The following HPR variants were observed in gnomAD, a reference collection of about 807,000 sequenced individuals.
HPR encodes the protein Haptoglobin-related locus.
In HPR, 17 loss-of-function variants were observed where a neutral mutation model predicts 18.5. That is an observed-to-expected ratio of 0.92 (90% CI 0.63 to 1.38). HPR has a LOEUF of 1.38. Ranked by LOEUF, HPR falls within the 40% of genes most tolerant of loss-of-function variation. HPR has a pLI of 0.00. For missense variants in HPR, 457 were observed against 432.4 expected (o/e 1.06, Z -0.51); for synonymous variants, 176 against 165.0 (o/e 1.07, Z -0.51).
chr16:72,068,207 C>G (rs936977856), intron 1 of HPR, among the ~76,000 whole-genome samples: 22 of 152,122 alleles, frequency 1.4e-4, no homozygotes, highest in Admixed American at 5.9e-4. Context: ...ATATTTTTGA[C>G]CATCTACAGT....
At chr16:72,071,995 T>C (rs753856879) in intron 1 of HPR, among the ~76,000 whole-genome samples, 9 of 152,090 alleles carry the variant, frequency 5.9e-5, no homozygotes, top group Non-Finnish European at 1.3e-4. Context: ...ATAAACTACA[T>C]TTATTACAAC....
intron 1 of HPR, among the ~76,000 whole-genome samples, chr16:72,064,670 C>A (rs2041578981): frequency 6.6e-6 from 1 of 152,244 alleles, no homozygotes; most frequent in Admixed American, 6.5e-5. Flanking sequence ...GGCAACCAGA[C>A]TTACCAGGAG....
At chr16:72,065,725 C>A (rs556561672) in intron 1 of HPR, among the ~76,000 whole-genome samples, 2 of 152,246 alleles carry the variant, frequency 1.3e-5, no homozygotes, top group Non-Finnish European at 2.9e-5. Flanking sequence ...TCAAGAAGAA[C>A]TAGACTATGC....
At chr16:72,064,943 G>T (rs1227532306) in intron 1 of HPR, among the ~76,000 whole-genome samples, 1 of 152,162 alleles carries the variant, frequency 6.6e-6, no homozygotes, top group Admixed American at 6.5e-5. Flanking sequence ...AACGTGGGGA[G>T]AAAAAGACTT....
intron 4 of HPR, 114 bp from the exon 5 acceptor site, chr16:72,076,189 A>G: frequency 6.5e-7 from 1 of 1,548,714 alleles, no homozygotes; most frequent in Non-Finnish European, 8.8e-7. Context: ...AGGACAAAGC[A>G]TTTAAATCTT....
chr16:72,063,633 C>T (rs1303227212), intron 1 of HPR, among the ~76,000 whole-genome samples: 3 of 152,080 alleles, frequency 2.0e-5, no homozygotes, highest in African/African-American at 7.2e-5. Flanking sequence ...TTGAATGACA[C>T]AATTAATTGA....
intron 1 of HPR, among the ~76,000 whole-genome samples, chr16:72,063,606 G>T (rs2041565628): frequency 6.6e-6 from 1 of 152,108 alleles, no homozygotes; most frequent in Non-Finnish European, 1.5e-5. Flanking sequence ...TAATAAGAAA[G>T]ACTAATAGTA....
intron 1 of HPR, among the ~76,000 whole-genome samples, chr16:72,072,452 G>T (rs368868468): frequency 6.6e-6 from 1 of 152,170 alleles, no homozygotes; most frequent in Non-Finnish European, 1.5e-5. Context: ...ATCGGAACCC[G>T]ATGCTATACT....
At chr16:72,075,813 CCTTTCTTTTTTCTTT>C (rs1828384941) in intron 4 of HPR, among the ~76,000 whole-genome samples, 1 of 151,924 alleles carries the variant, frequency 6.6e-6, no homozygotes, top group African/African-American at 2.4e-5. Flanking sequence ...AGCTCCTAGC[CCTTTCTTTTTTCTTT>C]CTTTCTTTTT....
At chr16:72,074,210 A>G (rs1567590264) in intron 2 of HPR, 74 bp from the exon 3 acceptor site, 8 of 1,381,670 alleles carry the variant, frequency 5.8e-6, no homozygotes, top group African/African-American at 1.4e-5. Context: ...AGCAGCTTCC[A>G]CTCATCTGAC....
rs1460662038 is a variant in HPR, at chr16:72,074,350, G to T, written c.158G>T (p.Cys53Phe). The T allele has an allele frequency of 6.2e-7, 1 of 1,613,916 alleles. No individual in the cohort carries two copies. The highest frequency in any genetic ancestry group is 1.3e-5 in the African/African-American group (1 of 74,932). Residue 53 changes from cysteine (C) to phenylalanine (F), a missense_variant, in exon 3 of 5, where the codon TGT (cysteine) becomes TTT (phenylalanine). By Grantham distance (205) the Cys-to-Phe change is radical. Transcript: ENST00000540303. ...GYVEHLFRYQ[C>F]KNYYRLRTEG... ...GTGGAGCACTTGTTTCGCTACCAGT[G>T]TAAGAACTACTACAGACTGCGCACA...
At chr16:72,074,912 C>T (rs946282199) in intron 3 of HPR, among the ~76,000 whole-genome samples, 2 of 152,222 alleles carry the variant, frequency 1.3e-5, no homozygotes, top group Admixed American at 6.5e-5. Flanking sequence ...TACTGCCTGG[C>T]TGTGACCGCC....
chr16:72,069,303 C>T (rs2041630971), intron 1 of HPR, among the ~76,000 whole-genome samples: 1 of 152,046 alleles, frequency 6.6e-6, no homozygotes, highest in Non-Finnish European at 1.5e-5. Context: ...CCTTCAGTTG[C>T]CAGAAGAAAT....
In HPR at chr16:72,074,367, C is replaced by T; in HGVS notation, c.175C>T (p.Leu59=). 1 of 1,613,046 alleles carries T rather than the reference C, an allele frequency of 6.2e-7. No homozygotes were observed. The highest frequency in any genetic ancestry group is 8.5e-7 in the Non-Finnish European group (1 of 1,179,066). The change falls in exon 3 of 5, where the codon CTG becomes TTG. Residue 59 remains leucine, a synonymous_variant. Coordinates refer to ENST00000540303, the MANE Select transcript of HPR (RefSeq NM_020995.4). ...CTACCAGTGTAAGAACTACTACAGA[C>T]TGCGCACAGAAGGAGATGGTAAGAC... The part of the protein sequence containing the change: ...FRYQCKNYYR[L]RTEGDGVYTL...
At position 72,074,043 on chromosome 16, in the gene HPR, G is replaced by T. The variant is rs912882691; in HGVS notation, c.91+66G>T. ...TGCCACATCCCACTCTGACTCTCTC[G>T]GGTCTGCATTCTTTCTTTGAGAACA... On this transcript the variant is annotated intron_variant, in intron 2 of 4. Coordinates refer to ENST00000540303, the MANE Select transcript of HPR (RefSeq NM_020995.4). 5 of 1,596,278 alleles carry T rather than the reference G, an allele frequency of 3.1e-6. No individual in the cohort carries two copies. In the African/African-American group the frequency reaches 6.7e-5, roughly 21 times the overall value.
rs201646102 is a variant in HPR at position 72,073,866 on chromosome 16, C to T, written c.6-26C>T. 1.3e-4 allele frequency: 206 copies of T among 1,613,622 alleles called. 3 individuals are homozygous for T. The highest frequency in any genetic ancestry group is 1.3e-3 in the South Asian group (115 of 91,074). On this transcript the variant is annotated intron_variant, in intron 1 of 4. Coordinates refer to ENST00000540303, the MANE Select transcript of HPR (RefSeq NM_020995.4). ...CTGTGAAGCAGGGAGACCAGCTTTC[C>T]GCTCCTTCTTGTTTTCTCTCTGCAG...
intron 3 of HPR, among the ~76,000 whole-genome samples, chr16:72,074,943 T>C (rs1055436608): frequency 1.3e-5 from 2 of 152,216 alleles, no homozygotes; most frequent in Non-Finnish European, 2.9e-5. Flanking sequence ...TGTGTTCTGC[T>C]GGGCTTAACT....
chr16:72,066,848 T>C (rs572450052), intron 1 of HPR, among the ~76,000 whole-genome samples: 5 of 152,170 alleles, frequency 3.3e-5, no homozygotes, highest in African/African-American at 4.8e-5. Flanking sequence ...TCAAAACCAA[T>C]GTTATCTACT....
chr16:72,067,390 G>T (rs571572966), intron 1 of HPR, among the ~76,000 whole-genome samples: 43 of 152,138 alleles, frequency 2.8e-4, no homozygotes, highest in Non-Finnish European at 4.0e-4. Flanking sequence ...AGAAAATACA[G>T]AAGTCAAGTA....
Sources: allele counts gnomAD v4.1 joint callset (sites outside exome capture counted in the v4.1 genomes callset), GRCh38; gene constraint gnomAD v4.1.1; transcripts MANE v1.5; gene names NCBI Gene and HGNC (gene_info 2026-07-23, HGNC 2026-07-21).